TSPAN9: variants seen among roughly 807,000 people sequenced by gnomAD.
The protein encoded by TSPAN9 is tetraspanin 9, also known as tetraspanin-9.
In TSPAN9, 16 loss-of-function variants were observed where a neutral mutation model predicts 31.0. That is an observed-to-expected ratio of 0.52 (90% CI 0.35 to 0.78). The LOEUF is 0.78. TSPAN9 is among the 30% of genes least tolerant of loss of function. The pLI, the probability that TSPAN9 is intolerant of heterozygous loss-of-function variation, is 0.01. For synonymous variants in TSPAN9, 145 were observed against 121.6 expected (o/e 1.19, Z -1.27); for missense variants, 272 against 312.5 (o/e 0.87, Z 0.98).
chr12:3,209,958 CA>C (rs57719008), intron 3 of TSPAN9, among the ~76,000 whole-genome samples: 1,966 of 49,748 alleles, frequency 0.04, 80 homozygotes, highest in African/African-American at 0.099. Flanking sequence ...GACTCTGTCC[CA>C]AAAAAAAAAA....
At chr12:3,144,307 G>A (rs1209990395) in intron 2 of TSPAN9, among the ~76,000 whole-genome samples, 1 of 152,078 alleles carries the variant, frequency 6.6e-6, no homozygotes, top group Non-Finnish European at 1.5e-5. Flanking sequence ...CACCATGTTG[G>A]CCAGGCTGGT....
intron 3 of TSPAN9, among the ~76,000 whole-genome samples, chr12:3,269,347 C>T (rs1862622258): frequency 1.7e-5 from 1 of 60,146 alleles, no homozygotes; most frequent in Non-Finnish European, 3.3e-5. Context: ...TCCCTGTGTT[C>T]CTGCAGCCTG....
At chr12:3,121,334 CAA>C in intron 2 of TSPAN9, among the ~76,000 whole-genome samples, 1 of 75,610 alleles carries the variant, frequency 1.3e-5, no homozygotes, top group Non-Finnish European at 2.6e-5. Flanking sequence ...AGAGATTTTT[CAA>C]AACAGGGGAT....
intron 2 of TSPAN9, among the ~76,000 whole-genome samples, chr12:3,090,776 G>C (rs1214172418): frequency 6.6e-6 from 1 of 151,874 alleles, no homozygotes; most frequent in Non-Finnish European, 1.5e-5. Context: ...AGGTAATGAG[G>C]AATAATGAGG....
chr12:3,089,265 A>G (rs1325867164), intron 2 of TSPAN9, among the ~76,000 whole-genome samples: 2 of 148,378 alleles, frequency 1.3e-5, no homozygotes, highest in African/African-American at 5.0e-5. Context: ...GGGACATTAT[A>G]GGAAAAATTA....
At chr12:3,265,756 G>A (rs1269862819) in intron 3 of TSPAN9, among the ~76,000 whole-genome samples, 3 of 152,168 alleles carry the variant, frequency 2.0e-5, no homozygotes, top group South Asian at 4.1e-4. Context: ...TGTCGAACAT[G>A]TTTGATAAAA....
intron 3 of TSPAN9, among the ~76,000 whole-genome samples, chr12:3,278,154 C>T (rs1862824039): frequency 6.6e-6 from 1 of 152,180 alleles, no homozygotes; most frequent in African/African-American, 2.4e-5. Flanking sequence ...TGGTTTAATC[C>T]ATCCTCAGAA....
At chr12:3,136,676 A>G (rs2098332276) in intron 2 of TSPAN9, among the ~76,000 whole-genome samples, 1 of 152,166 alleles carries the variant, frequency 6.6e-6, no homozygotes, top group Admixed American at 6.5e-5. Context: ...TTCTGTTCCC[A>G]AACCCTCTGT....
intron 3 of TSPAN9, chr12:3,206,177 TC>T: frequency 2.5e-6 from 1 of 401,022 alleles, no homozygotes; most frequent in Non-Finnish European, 5.2e-6. Flanking sequence ...GGTGGCAGAC[TC>T]TGTGGCCAGA....
chr12:3,207,453 G>A (rs2098375884), intron 3 of TSPAN9, among the ~76,000 whole-genome samples: 1 of 152,176 alleles, frequency 6.6e-6, no homozygotes, highest in Non-Finnish European at 1.5e-5. Flanking sequence ...GTGGTGGGGG[G>A]TTGGGGTCTG....
intron 3 of TSPAN9, among the ~76,000 whole-genome samples, chr12:3,262,341 G>A (rs181773526): frequency 1.3e-3 from 199 of 151,156 alleles, no homozygotes; most frequent in African/African-American, 4.5e-3. Flanking sequence ...GCATTCTGCC[G>A]TGCCCTCCTC....
chr12:3,279,373 C>G (rs903936585), intron 5 of TSPAN9, among the ~76,000 whole-genome samples: 1 of 152,364 alleles, frequency 6.6e-6, no homozygotes, highest in East Asian at 1.9e-4. Flanking sequence ...TGAGCTCCCT[C>G]TCACTGGAAG....
chr12:3,227,456 C>T (rs771082946), intron 3 of TSPAN9, among the ~76,000 whole-genome samples: 29 of 152,196 alleles, frequency 1.9e-4, no homozygotes, highest in African/African-American at 2.7e-4. Context: ...TAAGGTCAGA[C>T]GCCTGAAGGG....
chr12:3,174,781 AC>A (rs1432588297), intron 2 of TSPAN9, among the ~76,000 whole-genome samples: 6 of 147,826 alleles, frequency 4.1e-5, no homozygotes, highest in Admixed American at 3.4e-4. Context: ...ACGGGGTTTC[AC>A]CGTGTTAGCC....
At chr12:3,161,725 G>A (rs975665089) in intron 2 of TSPAN9, among the ~76,000 whole-genome samples, 7 of 152,182 alleles carry the variant, frequency 4.6e-5, no homozygotes, top group African/African-American at 1.7e-4. Context: ...ACCCAGAATG[G>A]TGCTTGCTAT....
intron 3 of TSPAN9, among the ~76,000 whole-genome samples, chr12:3,203,126 T>C (rs911814133): frequency 2.0e-5 from 3 of 152,156 alleles, no homozygotes; most frequent in Admixed American, 2.0e-4. Flanking sequence ...GTAACCCCAC[T>C]CAGCTGCGCT....
At chr12:3,165,978 C>T (rs1205087637) in intron 2 of TSPAN9, among the ~76,000 whole-genome samples, 1 of 152,092 alleles carries the variant, frequency 6.6e-6, no homozygotes, top group Non-Finnish European at 1.5e-5. Flanking sequence ...GGATGGAACT[C>T]GTCGGTCTAA....
chr12:3,085,074 C>A (rs2153962104), intron 2 of TSPAN9, among the ~76,000 whole-genome samples: 1 of 152,264 alleles, frequency 6.6e-6, no homozygotes, highest in East Asian at 1.9e-4. Flanking sequence ...GGAGGAAAAT[C>A]AGTCTGGTGA....
At chr12:3,171,746 G>C (rs2098351954) in intron 2 of TSPAN9, 1 of 152,180 alleles carries the variant, frequency 6.6e-6, no homozygotes, top group Non-Finnish European at 1.5e-5. Flanking sequence ...CCTTTGAAAG[G>C]TGTGTCCTAC....
Sources: gnomAD v4.1 joint callset for allele counts (sites outside exome capture counted in the v4.1 genomes callset) on GRCh38, gnomAD v4.1.1 for gene constraint, MANE v1.5 for transcripts, NCBI Gene and HGNC (gene_info 2026-07-23, HGNC 2026-07-21) for gene names.